The following CCBE1 variants were observed in gnomAD, a reference collection of about 807,000 sequenced individuals.
The protein encoded by CCBE1 is collagen and calcium binding EGF domains 1.
In CCBE1, 37 loss-of-function variants were observed where a neutral mutation model predicts 50.0. That is an observed-to-expected ratio of 0.74 (90% CI 0.57 to 0.97). The LOEUF (loss-of-function observed/expected upper bound fraction) is 0.97, where lower values mean the gene tolerates loss of function less well. Ranked by LOEUF, CCBE1 falls within the 50% of genes least tolerant of loss-of-function variation. CCBE1 has a pLI of 0.00. For synonymous variants in CCBE1, 234 were observed against 203.7 expected, an observed-to-expected ratio of 1.15 and a Z score of -1.27; for missense variants, 538 against 523.8, an observed-to-expected ratio of 1.03 and a Z score of -0.26.
chr18:59,604,367 T>TA (rs1264242896), intron 2 of CCBE1, among the ~76,000 whole-genome samples: 2 of 152,138 alleles, frequency 1.3e-5, no homozygotes, highest in African/African-American at 4.8e-5. Flanking sequence ...TCTTAACCAT[T>TA]AGGCTGCATC....
At chr18:59,636,234 T>C (rs9957636) in intron 2 of CCBE1, among the ~76,000 whole-genome samples, 5,177 of 150,944 alleles carry the variant, frequency 0.034, 297 homozygotes, top group African/African-American at 0.12. Context: ...AAGAGAGGGG[T>C]GGAAGAAGAA....
chr18:59,465,401 T>C (rs1053324741), intron 5 of CCBE1: 1 of 152,210 alleles, frequency 6.6e-6, no homozygotes, highest in Non-Finnish European at 1.5e-5. Flanking sequence ...TCTTCTTTTT[T>C]CCTCCGAACT....
chr18:59,490,888 A>G (rs1047169036), intron 2 of CCBE1, among the ~76,000 whole-genome samples: 1 of 152,244 alleles, frequency 6.6e-6, no homozygotes, highest in Non-Finnish European at 1.5e-5. Context: ...GTTTAAACCA[A>G]CAAATCTCTG....
intron 2 of CCBE1, among the ~76,000 whole-genome samples, chr18:59,695,441 C>T (rs971984269): frequency 3.9e-5 from 6 of 152,186 alleles, no homozygotes; most frequent in African/African-American, 1.2e-4. Context: ...CCCCCGCACA[C>T]GCCAAGAGAA....
At chr18:59,631,742 G>C (rs1185403232) in intron 2 of CCBE1, among the ~76,000 whole-genome samples, 1 of 152,202 alleles carries the variant, frequency 6.6e-6, no homozygotes, top group Non-Finnish European at 1.5e-5. Context: ...GCACTAAATA[G>C]CTTAGAGTTG....
chr18:59,694,872 G>A (rs527623156), intron 2 of CCBE1, among the ~76,000 whole-genome samples: 145 of 152,268 alleles, frequency 9.5e-4, no homozygotes, highest in African/African-American at 3.3e-3. Flanking sequence ...TGAAAGCATC[G>A]TTTCCCATTC....
chr18:59,571,393 C>T (rs1198302245), intron 2 of CCBE1, among the ~76,000 whole-genome samples: 2 of 148,704 alleles, frequency 1.3e-5, no homozygotes, highest in Non-Finnish European at 3.0e-5. Flanking sequence ...AACCAAACAC[C>T]GCATGTTCTC....
intron 2 of CCBE1, among the ~76,000 whole-genome samples, chr18:59,539,129 T>C (rs1915364965): frequency 6.6e-6 from 1 of 151,956 alleles, no homozygotes; most frequent in Non-Finnish European, 1.5e-5. Flanking sequence ...GGACCTATGA[T>C]TGTGCCACTG....
In CCBE1 at chr18:59,454,885, T is replaced by C. The variant is rs757673772; in HGVS notation, c.620A>G (p.Gln207Arg). 6 of 1,614,242 alleles carry C rather than the reference T, an allele frequency of 3.7e-6. No homozygotes were observed. Among genetic ancestry groups the C allele is most frequent in the South Asian group, 2.2e-5 (2 of 91,078 alleles). The change falls in exon 6 of 11, where the codon CAG (glutamine) becomes CGG (arginine). Residue 207 changes from glutamine to arginine, a missense_variant. Gln to Arg is a conservative substitution (Grantham distance 43, BLOSUM62 1). Transcript: ENST00000439986. ...CAGCTGCAGCACGGTCTGCTTCATC[T>C]GGTAGAACTCCTTGCATGTGGCACA... is the stretch of plus-strand genomic sequence containing the variant. ...TCCATCKEFY[Q>R]MKQTVLQLKQ... is the part of the protein sequence containing the mutation.
At chr18:59,581,354 T>A (rs1381787341) in intron 2 of CCBE1, among the ~76,000 whole-genome samples, 1 of 150,228 alleles carries the variant, frequency 6.7e-6, no homozygotes, top group Non-Finnish European at 1.5e-5. Flanking sequence ...GGCAGGAGAA[T>A]GGCTTGAACC....
intron 2 of CCBE1, among the ~76,000 whole-genome samples, chr18:59,537,053 A>C (rs1022707539): frequency 6.6e-6 from 1 of 152,122 alleles, no homozygotes; most frequent in Non-Finnish European, 1.5e-5. Flanking sequence ...TAGAAAAAGC[A>C]AAGTTAATGC....
intron 2 of CCBE1, among the ~76,000 whole-genome samples, chr18:59,570,826 A>G (rs2052901390): frequency 6.6e-6 from 1 of 152,196 alleles, no homozygotes; most frequent in Admixed American, 6.5e-5. Context: ...CACTGGCTCC[A>G]GGAGAGCCGG....
rs1036274103 is a variant in CCBE1 at position 59,534,529 on chromosome 18, A to G, written c.213-54291T>C. On this transcript the variant is annotated intron_variant, in intron 2 of 10. Coordinates refer to ENST00000439986, the MANE Select transcript of CCBE1 (RefSeq NM_133459.4). ...GGCTTCCTGGTCCAGTGCCTCCCCT[A>G]CTTTTGGGTACATTGCTTCAAAGCA... Among the ~76,000 whole-genome samples the G allele has an allele frequency of 2.6e-5, 4 of 152,290 alleles. No individual in the cohort carries two copies. In the South Asian group the frequency reaches 6.2e-4, roughly 24 times the overall value.
At position 59,611,436 on chromosome 18, in the gene CCBE1, C is replaced by CATGTCA. The variant is rs1263339871; in HGVS notation, c.212+85192_212+85193insTGACAT. On this transcript the variant is annotated intron_variant, in intron 2 of 10. Coordinates refer to ENST00000439986, the MANE Select transcript of CCBE1 (RefSeq NM_133459.4). ...AGGAGAAGCCCACACATGAGTGAAGCAGAGGACTGTCAAGAAGCATTTTTC... is the reference window on the plus strand; with the variant it reads ...AGGAGAAGCCCACACATGAGTGAAGCATGTCAAGAGGACTGTCAAGAAGCATTTTTC... 2.0e-5 allele frequency among the ~76,000 whole-genome samples: 3 copies of CATGTCA among 152,304 alleles called. No homozygotes were observed. The East Asian group carries it at 5.8e-4, about 29-fold the overall frequency.
intron 2 of CCBE1, among the ~76,000 whole-genome samples, chr18:59,599,947 C>A (rs1180834981): frequency 6.6e-6 from 1 of 152,170 alleles, no homozygotes. Flanking sequence ...TCCATTCCAT[C>A]CACCATTCAG....
At chr18:59,629,881 T>G (rs1207821648) in intron 2 of CCBE1, among the ~76,000 whole-genome samples, 2 of 152,128 alleles carry the variant, frequency 1.3e-5, no homozygotes, top group Non-Finnish European at 2.9e-5. Context: ...TACACCAAGT[T>G]TTTAGGCCCA....
At chr18:59,687,133 T>A (rs2054665861) in intron 2 of CCBE1, among the ~76,000 whole-genome samples, 1 of 152,168 alleles carries the variant, frequency 6.6e-6, no homozygotes, top group Admixed American at 6.5e-5. Flanking sequence ...AAGGACACAT[T>A]ATCAAGAGCA....
intron 3 of CCBE1, among the ~76,000 whole-genome samples, chr18:59,469,832 G>A (rs1005726768): frequency 6.6e-6 from 1 of 152,172 alleles, no homozygotes; most frequent in African/African-American, 2.4e-5. Flanking sequence ...TTTTCCCCTA[G>A]GTCACCTTGT....
intron 2 of CCBE1, among the ~76,000 whole-genome samples, chr18:59,554,630 T>C (rs1020862382): frequency 5.9e-5 from 9 of 152,198 alleles, no homozygotes; most frequent in African/African-American, 1.4e-4. Flanking sequence ...AACTCTAGTA[T>C]AGAACAGGCC....
Sources: allele counts gnomAD v4.1 joint callset (sites outside exome capture counted in the v4.1 genomes callset), GRCh38; gene constraint gnomAD v4.1.1; transcripts MANE v1.5; gene names NCBI Gene and HGNC (gene_info 2026-07-23, HGNC 2026-07-21).